The following CORIN variants were observed in gnomAD, a reference collection of about 807,000 sequenced individuals.
The protein encoded by CORIN is corin, serine peptidase, also known as atrial natriuretic peptide-converting enzyme.
Under a neutral mutation model 125.3 loss-of-function variants are expected in CORIN, and 117 were observed. The observed-to-expected ratio is 0.93, with a 90% CI of 0.80 to 1.09. The LOEUF is 1.09. CORIN is among the 50% of genes least tolerant of loss of function. The pLI, the probability that CORIN is intolerant of heterozygous loss-of-function variation, is 0.00. For synonymous variants in CORIN, 450 were observed against 466.4 expected (o/e 0.96, Z 0.45); for missense variants, 1,253 against 1,306.7 (o/e 0.96, Z 0.63).
intron 1 of CORIN, among the ~76,000 whole-genome samples, chr4:47,818,250 G>T (rs1011680110): frequency 5.9e-5 from 9 of 152,310 alleles, no homozygotes; most frequent in African/African-American, 1.9e-4. Flanking sequence ...GTTGAGTTTT[G>T]AGCAGGTAGG....
intron 1 of CORIN, among the ~76,000 whole-genome samples, chr4:47,816,483 C>T (rs565182605): frequency 8.7e-4 from 132 of 152,188 alleles, no homozygotes; most frequent in African/African-American, 3.0e-3. Context: ...ATGAAGAAAA[C>T]ATAGTCCCTG....
intron 9 of CORIN, 59 bp from the exon 10 acceptor site, chr4:47,674,559 A>T: frequency 1.0e-6 from 1 of 1,004,462 alleles, no homozygotes; most frequent in Non-Finnish European, 1.6e-6. Context: ...TTACCTAAGG[A>T]TCTAAAAGAT....
At chr4:47,763,181 T>C (rs1367516281) in intron 4 of CORIN, among the ~76,000 whole-genome samples, 198 bp downstream of exon 4, 1 of 152,196 alleles carries the variant, frequency 6.6e-6, no homozygotes, top group Non-Finnish European at 1.5e-5. Flanking sequence ...AATCTAACAT[T>C]GTGAATAATT....
intron 4 of CORIN, among the ~76,000 whole-genome samples, chr4:47,751,759 C>G (rs1728912582): frequency 6.6e-6 from 1 of 152,092 alleles, no homozygotes; most frequent in South Asian, 2.1e-4. Flanking sequence ...CGCTAAGTCC[C>G]TTGAAGACAG....
intron 16 of CORIN, among the ~76,000 whole-genome samples, chr4:47,635,250 A>G (rs1034173584): frequency 1.3e-5 from 2 of 152,242 alleles, no homozygotes; most frequent in African/African-American, 4.8e-5. Flanking sequence ...TTGGTGTTGT[A>G]TCAGATGGAG....
chr4:47,832,601 C>G (rs535218016), intron 1 of CORIN, among the ~76,000 whole-genome samples: 2 of 151,790 alleles, frequency 1.3e-5, no homozygotes, highest in African/African-American at 4.8e-5. Context: ...GGTGCCATCA[C>G]GCCCTGGTAA....
intron 2 of CORIN, among the ~76,000 whole-genome samples, chr4:47,787,569 T>C (rs1730877322): frequency 6.6e-6 from 1 of 151,536 alleles, no homozygotes. Context: ...ATTATCTTCA[T>C]CTTCGACCAG....
intron 5 of CORIN, among the ~76,000 whole-genome samples, chr4:47,726,208 A>C (rs940151730): frequency 6.6e-6 from 1 of 152,076 alleles, no homozygotes; most frequent in African/African-American, 2.4e-5. Flanking sequence ...GACAGATACC[A>C]ATCTAGGTAT....
intron 12 of CORIN, chr4:47,661,380 T>C (rs1197358606): frequency 1.1e-5 from 2 of 182,534 alleles, no homozygotes; most frequent in East Asian, 1.4e-4. Flanking sequence ...GGGTGATGGA[T>C]ATCTCATCTA....
intron 9 of CORIN, among the ~76,000 whole-genome samples, chr4:47,676,115 C>T (rs1416919693): frequency 6.6e-6 from 1 of 152,144 alleles, no homozygotes; most frequent in East Asian, 1.9e-4. Flanking sequence ...AAAGGCCTGA[C>T]TCTTCAGCAA....
chr4:47,604,698 C>T (rs1721580198), intron 19 of CORIN, among the ~76,000 whole-genome samples: 1 of 152,210 alleles, frequency 6.6e-6, no homozygotes, highest in Admixed American at 6.5e-5. Flanking sequence ...TCTCCCTCCT[C>T]CATGGCTATA....
chr4:47,692,040 T>C (rs1317231179), intron 6 of CORIN, among the ~76,000 whole-genome samples: 1 of 145,916 alleles, frequency 6.9e-6, no homozygotes. Context: ...AAAGAACAAT[T>C]AGAACTCAGA....
At position 47,669,553 on chromosome 4, in the gene CORIN, C is replaced by CTATA. The variant is rs67123208; in HGVS notation, c.1358-4294_1358-4291dup. Among the ~76,000 whole-genome samples, 107 of 144,608 alleles carry CTATA rather than the reference C, an allele frequency of 7.4e-4. 1 individual carries two copies. Among genetic ancestry groups the CTATA allele is most frequent in the African/African-American group, 2.6e-3 (102 of 38,912 alleles). 94.9% of individuals were successfully genotyped at this position (144,608 alleles called of 152,430 possible). ...TCAACTGTCTCACTTCCTTGCTCTTCTATATATATATATATATGCTTTTTT... is the reference window on the plus strand; with the variant it reads ...TCAACTGTCTCACTTCCTTGCTCTTCTATATATATATATATATATATGCTTTTTT... On this transcript the variant is annotated intron_variant, in intron 10 of 21. Coordinates refer to ENST00000273857, the MANE Select transcript of CORIN (RefSeq NM_006587.4).
At chr4:47,763,105 G>A (rs1185224649) in intron 4 of CORIN, among the ~76,000 whole-genome samples, 2 of 152,074 alleles carry the variant, frequency 1.3e-5, no homozygotes, top group Non-Finnish European at 2.9e-5. Flanking sequence ...ACCCCTTTGA[G>A]TGTGTTGTCT....
At chr4:47,615,082 C>T (rs1486178178) in intron 19 of CORIN, among the ~76,000 whole-genome samples, 1 of 152,056 alleles carries the variant, frequency 6.6e-6, no homozygotes, top group African/African-American at 2.4e-5. Context: ...GAAAGTATTC[C>T]AAACTGCAGA....
intron 19 of CORIN, among the ~76,000 whole-genome samples, chr4:47,605,351 G>C (rs931703492): frequency 4.5e-4 from 68 of 152,036 alleles, no homozygotes; most frequent in African/African-American, 1.6e-3. Flanking sequence ...GCCTACAGTA[G>C]GTCCTCAACA....
intron 19 of CORIN, among the ~76,000 whole-genome samples, chr4:47,611,451 G>C (rs1054691013): frequency 1.3e-5 from 2 of 152,218 alleles, no homozygotes; most frequent in African/African-American, 4.8e-5. Context: ...TTTGTATCCT[G>C]AGACTTTGCT....
At chr4:47,608,566 C>T (rs1232951422) in intron 19 of CORIN, among the ~76,000 whole-genome samples, 1 of 152,188 alleles carries the variant, frequency 6.6e-6, no homozygotes, top group Non-Finnish European at 1.5e-5. Flanking sequence ...TGTTAAAACA[C>T]CTTATTCTTC....
chr4:47,734,901 G>A (rs1054793075), intron 5 of CORIN, among the ~76,000 whole-genome samples: 1 of 152,168 alleles, frequency 6.6e-6, no homozygotes, highest in Non-Finnish European at 1.5e-5. Flanking sequence ...CCAAATGGGG[G>A]CTGCAAAATC....
Sources: allele counts gnomAD v4.1 joint callset (sites outside exome capture counted in the v4.1 genomes callset), GRCh38; gene constraint gnomAD v4.1.1; transcripts MANE v1.5; gene names NCBI Gene and HGNC (gene_info 2026-07-23, HGNC 2026-07-21).